The following HNRNPF variants were observed in gnomAD, a reference collection of about 807,000 sequenced individuals.
HNRNPF encodes heterogeneous nuclear ribonucleoprotein F.
In HNRNPF, 2 loss-of-function variants were observed where a neutral mutation model predicts 26.0. That is an observed-to-expected ratio of 0.08 (90% CI 0.03 to 0.24). HNRNPF has a LOEUF of 0.24. Among genes scored for constraint, HNRNPF ranks in the 10% least tolerant of loss-of-function variants. HNRNPF has a pLI of 1.00. For synonymous variants in HNRNPF, 234 were observed against 211.5 expected, an observed-to-expected ratio of 1.11 and a Z score of -0.92; for missense variants, 299 against 539.2, an observed-to-expected ratio of 0.55 and a Z score of 4.41.
intron 3 of HNRNPF, among the ~76,000 whole-genome samples, chr10:43,393,187 A>T (rs1653272041): frequency 6.6e-6 from 1 of 152,214 alleles, no homozygotes; most frequent in South Asian, 2.1e-4. Context: ...TTTTCTTTGT[A>T]ATGGGAGTTA....
In HNRNPF at chr10:43,387,948, A is replaced by C. The variant is rs921569330; in HGVS notation, c.-52-12T>G. The C allele has an allele frequency of 1.5e-4, 207 of 1,417,114 alleles. No individual in the cohort carries two copies. Among genetic ancestry groups the C allele is most frequent in the Non-Finnish European group, 1.9e-4 (194 of 1,041,996 alleles). The allele number at this position is 1,417,114 out of a possible 1,614,324, so 87.8% of individuals were successfully genotyped here. ...TGGCTTTTTTGTGGCTGGAAAAAAA[A>C]AAAAGAAAAATTTATTTAGTATGCA... On this transcript the variant is annotated splice_polypyrimidine_tract_variant and intron_variant, in intron 3 of 3. Coordinates refer to ENST00000682386, the MANE Select transcript of HNRNPF (RefSeq NM_001098204.2). This position sits in a 1 kb window ranked among gnomAD's most constrained non-coding sequence, Gnocchi z 6.0.
intron 3 of HNRNPF, among the ~76,000 whole-genome samples, chr10:43,393,303 G>A (rs1838327493): frequency 6.6e-6 from 1 of 152,066 alleles, no homozygotes; most frequent in South Asian, 2.1e-4. Flanking sequence ...TTTTAAATAA[G>A]TCCAAGCATA....
intron 1 of HNRNPF, among the ~76,000 whole-genome samples, chr10:43,400,251 T>C (rs1011256242): frequency 2.1e-4 from 32 of 152,256 alleles, no homozygotes; most frequent in Non-Finnish European, 3.7e-4. Context: ...TTTTTCCTTC[T>C]GTACATTATC....
intron 3 of HNRNPF, among the ~76,000 whole-genome samples, chr10:43,390,027 T>C (rs2131964047): frequency 6.6e-6 from 1 of 152,266 alleles, no homozygotes; most frequent in South Asian, 2.1e-4. Flanking sequence ...GCCTCCACCT[T>C]AGAAAGTAAT....
intron 1 of HNRNPF, among the ~76,000 whole-genome samples, chr10:43,403,289 G>C (rs1838809546): frequency 6.6e-6 from 1 of 152,142 alleles, no homozygotes; most frequent in South Asian, 2.1e-4. Context: ...GGGATTAAAG[G>C]TGTGAACCAC....
rs778945155 is a variant in HNRNPF at position 43,387,914 on chromosome 10, T to C, written c.-30A>G. The C allele has an allele frequency of 1.0e-5, 16 of 1,533,290 alleles. No homozygotes were observed. In the African/African-American group the frequency reaches 1.1e-4, roughly 11 times the overall value. The allele number at this position is 1,533,290 out of a possible 1,614,324, so 95.0% of individuals were successfully genotyped here. A position where few individuals can be genotyped will look rare whatever the true frequency, so the allele number is the denominator to read the frequency against. ...ACTTGTCAGGGTGGGTGTCAGGTGATCTTGGGTGTGGCTTTTTTGTGGCTG... is the reference window on the plus strand; with the variant it reads ...ACTTGTCAGGGTGGGTGTCAGGTGACCTTGGGTGTGGCTTTTTTGTGGCTG... On this transcript the variant is annotated 5_prime_UTR_variant, in exon 4 of 4. Transcript: ENST00000682386. The surrounding 1 kb of genome is among the most constrained non-coding windows in gnomAD (Gnocchi z 6.0).
At chr10:43,392,365 C>A (rs1005079133) in intron 3 of HNRNPF, among the ~76,000 whole-genome samples, 1 of 152,072 alleles carries the variant, frequency 6.6e-6, no homozygotes, top group Non-Finnish European at 1.5e-5. Context: ...ATGGTGAAAC[C>A]CCGTCTCTAC....
Position 43,385,791 on chromosome 10 carries a change from C to T in HNRNPF, c.*846G>A, listed in dbSNP as rs1270096926. ...CACATAAGTTGCAGGTGGCTGGGGC[C>T]GTGTGTCTATTTGATGCTTCCCAGA... On this transcript the variant is annotated 3_prime_UTR_variant, in exon 4 of 4. Transcript: ENST00000682386. 6.6e-6 allele frequency: 1 copy of T among 152,178 alleles called. No individual in the cohort carries two copies. Among genetic ancestry groups the T allele is most frequent in the East Asian group, 1.9e-4 (1 of 5,200 alleles). The allele number at this position is 152,178 out of a possible 1,614,324, so 9.4% of individuals were successfully genotyped here.
intron 1 of HNRNPF, among the ~76,000 whole-genome samples, chr10:43,398,679 A>G (rs1588996763): frequency 6.6e-6 from 1 of 151,982 alleles, no homozygotes; most frequent in South Asian, 2.1e-4. Context: ...ATTTTGAGAC[A>G]GGGTCTGGCT....
chr10:43,395,378 G>C (rs567590000), intron 2 of HNRNPF, among the ~76,000 whole-genome samples: 1 of 152,280 alleles, frequency 6.6e-6, no homozygotes, highest in African/African-American at 2.4e-5. Context: ...ATAATCACTA[G>C]ATCACCAACA....
intron 3 of HNRNPF, among the ~76,000 whole-genome samples, chr10:43,393,589 T>C (rs1364783797): frequency 1.4e-5 from 2 of 142,788 alleles, no homozygotes; most frequent in South Asian, 2.2e-4. Flanking sequence ...GGAGCAAAAC[T>C]CCATCTCAAA....
intron 1 of HNRNPF, chr10:43,407,662 C>T (rs1428934540): frequency 6.6e-6 from 1 of 152,054 alleles, no homozygotes; most frequent in Non-Finnish European, 1.5e-5. Context: ...AAAAGGACGA[C>T]TAAGCTGAAG....
chr10:43,403,096 T>C (rs530325761), intron 1 of HNRNPF, among the ~76,000 whole-genome samples: 20 of 152,322 alleles, frequency 1.3e-4, no homozygotes, highest in Non-Finnish European at 2.5e-4. Flanking sequence ...CATTCCACTC[T>C]CGGTTCACTG....
intron 3 of HNRNPF, among the ~76,000 whole-genome samples, chr10:43,389,523 GATA>G (rs1838161875): frequency 6.6e-6 from 1 of 152,224 alleles, no homozygotes; most frequent in Non-Finnish European, 1.5e-5. Flanking sequence ...AGCCATTGCA[GATA>G]ATGACATATT....
intron 1 of HNRNPF, among the ~76,000 whole-genome samples, chr10:43,401,979 A>G (rs1430130607): frequency 2.6e-5 from 4 of 152,180 alleles, no homozygotes; most frequent in Non-Finnish European, 5.9e-5. Context: ...GGAAAGGAAC[A>G]TGACAATTTA....
At chr10:43,396,225 A>G (rs1039646591) in intron 2 of HNRNPF, among the ~76,000 whole-genome samples, 2 of 152,222 alleles carry the variant, frequency 1.3e-5, no homozygotes, top group Non-Finnish European at 2.9e-5. Flanking sequence ...CAGAGTAAAC[A>G]GGGCCGTTCA....
chr10:43,401,668 ATT>A (rs540797104), intron 1 of HNRNPF, among the ~76,000 whole-genome samples: 8 of 152,330 alleles, frequency 5.3e-5, no homozygotes, highest in Middle Eastern at 3.4e-3. Context: ...AGGAAGATCA[ATT>A]TTGTTTTTCC....
chr10:43,394,585 TA>T (rs1838386477), intron 3 of HNRNPF, 44 bp downstream of exon 3: 1 of 152,124 alleles, frequency 6.6e-6, no homozygotes, highest in Admixed American at 6.5e-5. Flanking sequence ...GTATAACAAA[TA>T]TAAATACTGC....
At chr10:43,391,911 A>G (rs1165328192) in intron 3 of HNRNPF, among the ~76,000 whole-genome samples, 1 of 152,130 alleles carries the variant, frequency 6.6e-6, no homozygotes, top group East Asian at 1.9e-4. Flanking sequence ...AATCTTGTCA[A>G]AAGGCCTCTA....
Sources: allele counts gnomAD v4.1 joint callset (sites outside exome capture counted in the v4.1 genomes callset), GRCh38; gene constraint gnomAD v4.1.1; non-coding constraint Gnocchi (gnomAD v3.1); transcripts MANE v1.5; gene names NCBI Gene and HGNC (gene_info 2026-07-23, HGNC 2026-07-21).